Variants in KMT2D observed in about 807,000 individuals in gnomAD.
The protein encoded by KMT2D is histone-lysine N-methyltransferase 2D.
Under a neutral mutation model 512.7 loss-of-function variants are expected in KMT2D, and 55 were observed. The observed-to-expected ratio is 0.11, with a 90% CI of 0.09 to 0.13. The LOEUF (loss-of-function observed/expected upper bound fraction) is 0.13. Among genes scored for constraint, KMT2D ranks in the 10% least tolerant of loss-of-function variants. The probability of loss-of-function intolerance (pLI) is 1.00; values close to 1 mark genes in which losing one functional copy is unlikely to be tolerated. For synonymous variants in KMT2D, 2,995 were observed against 2,904.0 expected, an observed-to-expected ratio of 1.03 and a Z score of -1.01; for missense variants, 6,061 against 7,127.9, an observed-to-expected ratio of 0.85 and a Z score of 5.39.
Position 49,046,867 on chromosome 12 carries a change from T to C in KMT2D, c.4237-77A>G. 2 of 1,385,094 alleles carry C rather than the reference T, an allele frequency of 1.4e-6. No homozygotes were observed. The highest frequency in any genetic ancestry group is 2.0e-6 in the Non-Finnish European group (2 of 1,020,262). The allele number at this position is 1,385,094 out of a possible 1,614,324, so 85.8% of individuals were successfully genotyped here. On this transcript the variant is annotated intron_variant, in intron 15 of 54. Coordinates refer to ENST00000301067, the MANE Select transcript of KMT2D (RefSeq NM_003482.4). The surrounding 1 kb of genome is among the most constrained non-coding windows in gnomAD (Gnocchi z 4.2). Reference sequence around the variant, plus strand: ...ACTTCTTTTTATTTTTTTTTGGAGATGGAGTTTTGCTCTTGTTCCCCAGGC... The same window carrying C: ...ACTTCTTTTTATTTTTTTTTGGAGACGGAGTTTTGCTCTTGTTCCCCAGGC...
In KMT2D at chr12:49,034,103, T is replaced by G; in HGVS notation, c.10704A>C (p.Thr3568=). 6.2e-7 allele frequency: 1 copy of G among 1,613,018 alleles called. No individual in the cohort carries two copies. The highest frequency in any genetic ancestry group is 8.5e-7 in the Non-Finnish European group (1 of 1,179,880). ...GTTTCTGGATCTTGCTCTGCTGCTC[T>G]GTAACCAGCTTGAGCTTCTCAGCAT... ...EADAEKLKLV[T]EQQSKIQKQL... is the part of the protein sequence containing the mutation. Residue 3568 remains threonine, a synonymous_variant, in exon 39 of 55, where the codon ACA becomes ACC. Coordinates refer to ENST00000301067, the MANE Select transcript of KMT2D (RefSeq NM_003482.4).
At chr12:49,058,450 A>AT (rs1451005530) in intron 1 of KMT2D, among the ~76,000 whole-genome samples, 14 of 152,182 alleles carry the variant, frequency 9.2e-5, no homozygotes, top group Admixed American at 8.5e-4. Flanking sequence ...GTTGGAGCAG[A>AT]TAAGAGTGAG....
At chr12:49,049,618 A>C in intron 12 of KMT2D, 64 bp downstream of exon 12, 1 of 1,484,734 alleles carries the variant, frequency 6.7e-7, no homozygotes, top group Non-Finnish European at 9.0e-7. Context: ...TATCAGTGAC[A>C]CAGGACTGTA....
chr12:49,031,862 A>T lies in KMT2D; in HGVS notation c.12843T>A (p.Pro4281=), dbSNP rs1294963293. The change falls in exon 40 of 55, where the codon CCT becomes CCA. Residue 4281 remains proline, a synonymous_variant. Transcript: ENST00000301067. ...TGPLQELGAG[P]RPQGPPRLPA... is the part of the protein sequence containing the mutation. ...GGAGCCGGGGTGGGCCCTGAGGTCG[A>T]GGCCCTGCCCCTAGCTCCTGGAGGG... is the stretch of plus-strand genomic sequence containing the variant. The T allele has an allele frequency of 6.5e-7, 1 of 1,540,066 alleles. No homozygotes were observed.
chr12:49,024,972 C>T lies in KMT2D; in HGVS notation c.15785-26G>A. 2 of 1,575,274 alleles carry T rather than the reference C, an allele frequency of 1.3e-6. No homozygotes were observed. The highest frequency in any genetic ancestry group is 2.7e-5 in the African/African-American group (2 of 73,996). ...CTAAGAAGCAGGGAAGAGAGCAGTC[C>T]TCAGAGGCAACTTCTGCTCACTGAC... On this transcript the variant is annotated intron_variant, in intron 49 of 54. Coordinates refer to ENST00000301067, the MANE Select transcript of KMT2D (RefSeq NM_003482.4). This position sits in a 1 kb window ranked among gnomAD's most constrained non-coding sequence, Gnocchi z 4.5.
In KMT2D at chr12:49,053,053, G is replaced by A. The variant is rs1938178113; in HGVS notation, c.974C>T (p.Ala325Val). ...CAGTTCTGCTGAGCCCGCCCCACAG[G>A]CCCGGCACACCCGGCACGCCTAAGG... The part of the protein sequence containing the change: ...WKCKACRVCR[A>V]CGAGSAELNP... Residue 325 changes from alanine to valine, a missense_variant, in exon 9 of 55, where the codon GCC (alanine) becomes GTC (valine). Transcript: ENST00000301067. 7 of 1,614,044 alleles carry A rather than the reference G, an allele frequency of 4.3e-6. No homozygotes were observed. In the East Asian group the frequency reaches 1.3e-4, roughly 31 times the overall value.
rs1942956721 is a variant in KMT2D, at chr12:49,032,231, G to A, written c.12474C>T (p.Pro4158=). ...TATTTTGCATGGGCCGCTCTAGCAT[G>A]GGCTGTTGGGGGCCCAGAAGGTTCT... The part of the protein sequence containing the change: ...MTQNLLGPQQ[P]MLERPMQNNT... Residue 4158 remains proline, a synonymous_variant, in exon 40 of 55, where the codon CCC becomes CCT. Coordinates refer to ENST00000301067, the MANE Select transcript of KMT2D (RefSeq NM_003482.4). 7 of 1,613,668 alleles carry A rather than the reference G, an allele frequency of 4.3e-6. No homozygotes were observed. The highest frequency in any genetic ancestry group is 5.9e-6 in the Non-Finnish European group (7 of 1,179,768).
chr12:49,051,798 G>A lies in KMT2D; in HGVS notation c.1885C>T (p.Pro629Ser), dbSNP rs2120676476. The change falls in exon 11 of 55, where the codon CCA (proline) becomes TCA (serine). Residue 629 changes from proline to serine, a missense_variant. Around this residue, in one of 16 missense-constraint regions of KMT2D, gnomAD observed 848 missense variants for 838.5 expected, o/e 1.01. Coordinates refer to ENST00000301067, the MANE Select transcript of KMT2D (RefSeq NM_003482.4). ...PPPEASRLSP[P>S]PEDSPMSPPP... is the part of the protein sequence containing the mutation. ...GGGGACATAGGCGAGTCCTCAGGTG[G>A]TGGGGACAGGCGTGATGCCTCAGGT... The A allele has an allele frequency of 6.2e-7, 1 of 1,612,880 alleles. No homozygotes were observed. The highest frequency in any genetic ancestry group is 1.1e-5 in the South Asian group (1 of 91,060).
In KMT2D at chr12:49,046,733, C is replaced by T. The variant is rs2120611981; in HGVS notation, c.4294G>A (p.Val1432Met). 6.2e-7 allele frequency: 1 copy of T among 1,614,002 alleles called. No homozygotes were observed. Among genetic ancestry groups the T allele is most frequent in the Non-Finnish European group, 8.5e-7 (1 of 1,179,894 alleles). The change falls in exon 16 of 55, where the codon GTG becomes ATG. Residue 1432 changes from valine to methionine, a missense_variant. Physicochemically the swap from Val to Met is conservative, Grantham distance 21. Around this residue, in one of 16 missense-constraint regions of KMT2D, gnomAD observed 53 missense variants for 148.3 expected, o/e 0.36. Transcript: ENST00000301067. The surrounding 1 kb of genome is among the most constrained non-coding windows in gnomAD (Gnocchi z 4.2). ...GAGGGGTCGGAGGCCTGGCCACACA[C>T]CTCACACACAATACACTCCACACAA... ...WRCVECIVCE[V>M]CGQASDPSRL...
rs376180339 is a variant in KMT2D at position 49,043,368 on chromosome 12, G to T, written c.5528C>A (p.Thr1843Lys). ...GTAACCCCGGCAGCCCTCACCTGGT[G>T]TATCGGCTTTGCCCTCGAGGCCACG... Reference protein sequence around the residue: ...ESRGLEGKADTPGPEDGGVKA... With the variant: ...ESRGLEGKADKPGPEDGGVKA... Residue 1843 changes from threonine to lysine, a missense_variant, in exon 25 of 55, where the codon ACA (threonine) becomes AAA (lysine). Around this residue, in one of 16 missense-constraint regions of KMT2D, gnomAD observed 640 missense variants for 814.3 expected, o/e 0.79. Transcript: ENST00000301067. 2 of 1,613,892 alleles carry T rather than the reference G, an allele frequency of 1.2e-6. No homozygotes were observed. The highest frequency in any genetic ancestry group is 1.7e-6 in the Non-Finnish European group (2 of 1,179,800).
At chr12:49,049,052 G>C (rs1157241549) in intron 13 of KMT2D, 53 bp downstream of exon 13, 1 of 1,139,336 alleles carries the variant, frequency 8.8e-7, no homozygotes, top group Non-Finnish European at 1.3e-6. Context: ...GCAGGACTCA[G>C]AGGGTGCTAA....
Position 49,024,798 on chromosome 12 carries a change from C to T in KMT2D, c.15921+12G>A, listed in dbSNP as rs2137711253. ...GCCCGCCAAGCCCCCCAGCTCCCAG[C>T]CCCTTCCTTACTGATTCAGCTATGC... On this transcript the variant is annotated intron_variant, in intron 50 of 54. Coordinates refer to ENST00000301067, the MANE Select transcript of KMT2D (RefSeq NM_003482.4). The surrounding 1 kb of genome is among the most constrained non-coding windows in gnomAD (Gnocchi z 4.5). The T allele has an allele frequency of 6.2e-7, 1 of 1,611,562 alleles. No individual in the cohort carries two copies.
At chr12:49,029,514 G>C in intron 43 of KMT2D, 38 bp from the exon 44 acceptor site, 2 of 1,490,098 alleles carry the variant, frequency 1.3e-6, no homozygotes. Context: ...TCAGGTGAGG[G>C]TGGCCAGGGC....
In KMT2D at chr12:49,049,127, G is replaced by A. The variant is rs755655617; in HGVS notation, c.3998C>T (p.Ala1333Val). 1 of 1,609,980 alleles carries A rather than the reference G, an allele frequency of 6.2e-7. No homozygotes were observed. Among genetic ancestry groups the A allele is most frequent in the African/African-American group, 1.3e-5 (1 of 75,000 alleles). The stretch of plus-strand genomic sequence containing the variant: ...TACTACCAGAGTCTCAATGGAAGAA[G>A]CAGTTGACTTTAGCCGGGCCCGTCC... ...GRGRARLKST[A>V]SSIETLVVAD... is the part of the protein sequence containing the mutation. The change falls in exon 13 of 55, where the codon GCT (alanine) becomes GTT (valine). Residue 1333 changes from alanine (A) to valine (V), a missense_variant. Around this residue, in one of 16 missense-constraint regions of KMT2D, gnomAD observed 447 missense variants for 500.1 expected, o/e 0.89. Coordinates refer to ENST00000301067, the MANE Select transcript of KMT2D (RefSeq NM_003482.4).
At chr12:49,049,590 C>T (rs2120635989) in intron 12 of KMT2D, 92 bp downstream of exon 12, 3 of 1,376,986 alleles carry the variant, frequency 2.2e-6, no homozygotes, top group Middle Eastern at 2.6e-4. Flanking sequence ...CTAGGATTCA[C>T]AAAGCAAGGT....
rs765663826 is a variant in KMT2D, at chr12:49,040,413, G to A, written c.7357C>T (p.Pro2453Ser). ...TCACGGGACTGAGGGCGTGAGGGTG[G>A]GCGAGAATAAGGGTCAGGGGACTGG... is the stretch of plus-strand genomic sequence containing the variant. ...RFQSPDPYSR[P>S]PSRPQSRDPF... The change falls in exon 32 of 55, where the codon CCA (proline) becomes TCA (serine). Residue 2453 changes from proline (P) to serine (S), a missense_variant. Pro to Ser is a moderately conservative substitution (Grantham distance 74, BLOSUM62 -1). This residue lies in a region of KMT2D where 710 missense variants were observed against 647.3 expected (regional missense o/e 1.10). Transcript: ENST00000301067. 6.4e-7 allele frequency: 1 copy of A among 1,562,014 alleles called. No individual in the cohort carries two copies. The highest frequency in any genetic ancestry group is 1.2e-5 in the South Asian group (1 of 82,746).
In KMT2D at chr12:49,046,008, C is replaced by T. The variant is rs774789906; in HGVS notation, c.4694-41G>A. On this transcript the variant is annotated intron_variant, in intron 18 of 54. Transcript: ENST00000301067. This position sits in a 1 kb window ranked among gnomAD's most constrained non-coding sequence, Gnocchi z 4.2. ...CAAACGGAGGTGGCTGAGGTCCTGTCCCAAAGCAAGGTACCCCTGCTCTGA... is the reference window on the plus strand; with the variant it reads ...CAAACGGAGGTGGCTGAGGTCCTGTTCCAAAGCAAGGTACCCCTGCTCTGA... The T allele has an allele frequency of 1.2e-6, 2 of 1,613,420 alleles. No homozygotes were observed. Among genetic ancestry groups the T allele is most frequent in the Admixed American group, 1.7e-5 (1 of 59,960 alleles).
Position 49,043,177 on chromosome 12 carries a change from T to A in KMT2D, c.5543A>T (p.Asp1848Val), listed in dbSNP as rs2120564612. 1 of 1,613,698 alleles carries A rather than the reference T, an allele frequency of 6.2e-7. No individual in the cohort carries two copies. Among genetic ancestry groups the A allele is most frequent in the Non-Finnish European group, 8.5e-7 (1 of 1,179,702 alleles). Residue 1848 changes from aspartate to valine, a missense_variant, in exon 26 of 55, where the codon GAT (aspartate) becomes GTT (valine). Transcript: ENST00000301067. ...EGKADTPGPEDGGVKASPVPS... is the reference protein window; with the variant it reads ...EGKADTPGPEVGGVKASPVPS... ...CACTGGGGATGCCTTCACGCCCCCA[T>A]CCTCAGGTCCTGTAAATGCCAGGAG...
In KMT2D at chr12:49,051,354, G is replaced by A. The variant is rs1437914519; in HGVS notation, c.2329C>T (p.Pro777Ser). 3.7e-6 allele frequency: 6 copies of A among 1,606,622 alleles called. No homozygotes were observed. In the South Asian group the frequency reaches 4.4e-5, roughly 12 times the overall value. Residue 777 changes from proline (P) to serine (S), a missense_variant, in exon 11 of 55, where the codon CCA (proline) becomes TCA (serine). Coordinates refer to ENST00000301067, the MANE Select transcript of KMT2D (RefSeq NM_003482.4). The stretch of plus-strand genomic sequence containing the variant: ...TCCTCAGGCACAGCGCATAGGCATG[G>A]CTCCTCAGGCTGGGGGGACAGGTGT... ...EPHLSPQPEE[P>S]CLCAVPEEPH...
Sources: allele counts gnomAD v4.1 joint callset (sites outside exome capture counted in the v4.1 genomes callset), GRCh38; gene constraint gnomAD v4.1.1; regional missense constraint gnomAD v4.1.1; non-coding constraint Gnocchi (gnomAD v3.1); transcripts MANE v1.5; gene names NCBI Gene and HGNC (gene_info 2026-07-23, HGNC 2026-07-21).